The following MAPKAP1 variants were observed in gnomAD, a reference collection of about 807,000 sequenced individuals.
The protein encoded by MAPKAP1 is MAPK associated protein 1, also known as target of rapamycin complex 2 subunit MAPKAP1.
A neutral mutation model predicts 65.7 loss-of-function variants in MAPKAP1; 20 were observed. The ratio of observed to expected loss-of-function variants is 0.30; its 90% CI spans 0.21 to 0.44. MAPKAP1 has a LOEUF of 0.44. Among genes scored for constraint, MAPKAP1 ranks in the 20% least tolerant of loss-of-function variants. MAPKAP1 has a pLI of 1.00. For missense variants in MAPKAP1, 423 were observed against 648.0 expected (o/e 0.65, Z 3.77); for synonymous variants, 222 against 244.3 (o/e 0.91, Z 0.85).
chr9:125,497,628 C>A (rs997012359), intron 8 of MAPKAP1, among the ~76,000 whole-genome samples: 1 of 152,248 alleles, frequency 6.6e-6, no homozygotes, highest in Non-Finnish European at 1.5e-5. Context: ...TCCATTTACA[C>A]ATGAAATCAG....
chr9:125,634,339 T>C (rs374297857), intron 4 of MAPKAP1, among the ~76,000 whole-genome samples: 2 of 152,130 alleles, frequency 1.3e-5, no homozygotes, highest in African/African-American at 4.8e-5. Flanking sequence ...AATACAAAGT[T>C]CTCTTATTTA....
At chr9:125,695,464 T>C (rs1208503837) in intron 1 of MAPKAP1, among the ~76,000 whole-genome samples, 1 of 152,150 alleles carries the variant, frequency 6.6e-6, no homozygotes, top group African/African-American at 2.4e-5. Context: ...CAATATCAAT[T>C]TGAACAGATG....
chr9:125,481,574 C>T (rs977897572), intron 9 of MAPKAP1, among the ~76,000 whole-genome samples: 1 of 151,844 alleles, frequency 6.6e-6, no homozygotes, highest in East Asian at 1.9e-4. Context: ...AGGCAGGCAC[C>T]ACCACACCTG....
chr9:125,649,823 G>T (rs1024160813), intron 4 of MAPKAP1, among the ~76,000 whole-genome samples: 4 of 146,326 alleles, frequency 2.7e-5, no homozygotes, highest in Non-Finnish European at 4.5e-5. Flanking sequence ...AAAAAGAAAA[G>T]AAGAAAATAA....
intron 4 of MAPKAP1, among the ~76,000 whole-genome samples, chr9:125,625,102 C>T (rs1463207771): frequency 2.3e-5 from 2 of 86,478 alleles, no homozygotes; most frequent in East Asian, 6.6e-4. Flanking sequence ...ACAAACGCTG[C>T]GGAAGGCCGC....
chr9:125,438,637 G>A lies in MAPKAP1; in HGVS notation c.*250C>T, dbSNP rs1852372425. ...GGCTGGGCGGCACGTGGCTCCTCTAGGGGGTGGTCTGACCCCCAAGCATCG... is the reference window on the plus strand; with the variant it reads ...GGCTGGGCGGCACGTGGCTCCTCTAAGGGGTGGTCTGACCCCCAAGCATCG... On this transcript the variant is annotated 3_prime_UTR_variant, in exon 12 of 12. Coordinates refer to ENST00000265960, the MANE Select transcript of MAPKAP1 (RefSeq NM_001006617.3). The A allele has an allele frequency of 2.0e-6, 1 of 496,068 alleles. No individual in the cohort carries two copies. The highest frequency in any genetic ancestry group is 3.5e-6 in the Non-Finnish European group (1 of 283,190). The allele number at this position is 496,068 out of a possible 1,614,324, so 30.7% of individuals were successfully genotyped here. A position where few individuals can be genotyped will look rare whatever the true frequency, so the allele number is the denominator to read the frequency against.
chr9:125,677,567 G>T (rs1403238224), intron 1 of MAPKAP1, among the ~76,000 whole-genome samples: 2 of 152,028 alleles, frequency 1.3e-5, no homozygotes, highest in Non-Finnish European at 1.5e-5. Flanking sequence ...GTGGTGGTGC[G>T]TACCTATAGT....
chr9:125,519,633 A>G (rs375767916), intron 7 of MAPKAP1, among the ~76,000 whole-genome samples: 2 of 139,898 alleles, frequency 1.4e-5, no homozygotes, highest in East Asian at 4.4e-4. Flanking sequence ...TGTCTAATAT[A>G]TATACATATA....
Position 125,497,545 on chromosome 9 carries a change from A to C in MAPKAP1, c.1066+8765T>G, listed in dbSNP as rs187543996. 2.0e-5 allele frequency among the ~76,000 whole-genome samples: 3 copies of C among 152,320 alleles called. No individual in the cohort carries two copies. The East Asian group carries it at 5.8e-4, about 29-fold the overall frequency. ...CAAGGATGATGACTACATGGCCTAA[A>C]ATGTTGTTATAATAAGAGCACTTAT... On this transcript the variant is annotated intron_variant, in intron 8 of 11. Coordinates refer to ENST00000265960, the MANE Select transcript of MAPKAP1 (RefSeq NM_001006617.3).
At chr9:125,614,603 G>A (rs557649694) in intron 4 of MAPKAP1, among the ~76,000 whole-genome samples, 1 of 152,110 alleles carries the variant, frequency 6.6e-6, no homozygotes, top group African/African-American at 2.4e-5. Context: ...CCAGCTTTGA[G>A]CAACAGAGTG....
chr9:125,602,339 G>T (rs1335367095), intron 4 of MAPKAP1, among the ~76,000 whole-genome samples: 2 of 152,198 alleles, frequency 1.3e-5, no homozygotes, highest in Admixed American at 1.3e-4. Context: ...CTGTTGGAAA[G>T]AATCACTTGT....
intron 10 of MAPKAP1, among the ~76,000 whole-genome samples, chr9:125,457,261 T>C (rs919309362): frequency 1.3e-5 from 2 of 152,182 alleles, no homozygotes; most frequent in Non-Finnish European, 2.9e-5. Flanking sequence ...AGTACTGGGA[T>C]TATAGGCATG....
intron 4 of MAPKAP1, among the ~76,000 whole-genome samples, chr9:125,628,866 TCAA>T (rs71374283): frequency 0.45 from 67,777 of 151,232 alleles, 16,570 homozygotes; most frequent in South Asian, 0.56. Flanking sequence ...ACTCTACAAC[TCAA>T]CAACAACAAC....
intron 9 of MAPKAP1, among the ~76,000 whole-genome samples, chr9:125,481,781 G>A (rs1344471166): frequency 6.6e-6 from 1 of 152,078 alleles, no homozygotes; most frequent in Non-Finnish European, 1.5e-5. Flanking sequence ...TTGCTATTGG[G>A]CAAGTACTGC....
intron 5 of MAPKAP1, among the ~76,000 whole-genome samples, chr9:125,577,407 T>C (rs12684731): frequency 0.98 from 138,622 of 141,516 alleles, 67,923 homozygotes; most frequent in Non-Finnish European, 1. Flanking sequence ...GCCCCCCGCC[T>C]GGCCAGCCTC....
At chr9:125,481,707 C>G (rs59747884) in intron 9 of MAPKAP1, among the ~76,000 whole-genome samples, 2,116 of 152,104 alleles carry the variant, frequency 0.014, 46 homozygotes, top group African/African-American at 0.047. Flanking sequence ...CAGACGTGAG[C>G]CATGGCACCC....
At chr9:125,663,994 G>A (rs763908962) in intron 3 of MAPKAP1, among the ~76,000 whole-genome samples, 1 of 152,130 alleles carries the variant, frequency 6.6e-6, no homozygotes, top group Non-Finnish European at 1.5e-5. Flanking sequence ...CTTATGCATG[G>A]AACATACTAG....
At chr9:125,500,916 G>A (rs574160220) in intron 8 of MAPKAP1, among the ~76,000 whole-genome samples, 1 of 152,248 alleles carries the variant, frequency 6.6e-6, no homozygotes, top group Non-Finnish European at 1.5e-5. Context: ...AAATGACAGG[G>A]GCGGAGGGAG....
chr9:125,565,837 TG>T (rs1831037511), intron 5 of MAPKAP1: 2 of 309,722 alleles, frequency 6.5e-6, no homozygotes, highest in Admixed American at 9.5e-5. Context: ...TAGCATGTGG[TG>T]TAACACATAG....
Sources: gnomAD v4.1 joint callset for allele counts (sites outside exome capture counted in the v4.1 genomes callset) on GRCh38, gnomAD v4.1.1 for gene constraint, MANE v1.5 for transcripts, NCBI Gene and HGNC (gene_info 2026-07-23, HGNC 2026-07-21) for gene names.